Variants in LDHD observed in about 807,000 individuals in gnomAD.
LDHD encodes the protein D-lactate dehydrogenase, mitochondrial.
A neutral mutation model predicts 52.9 loss-of-function variants in LDHD; 58 were observed. The observed-to-expected ratio is 1.10, with a 90% CI of 0.89 to 1.36. The LOEUF (loss-of-function observed/expected upper bound fraction) is 1.36. Among genes scored for constraint, LDHD ranks in the 40% most tolerant of loss-of-function variants. The pLI is 0.00. For missense variants in LDHD, 747 were observed against 668.0 expected, an observed-to-expected ratio of 1.12 and a Z score of -1.30; for synonymous variants, 350 against 288.6, an observed-to-expected ratio of 1.21 and a Z score of -2.16.
chr16:75,114,493 C>T lies in LDHD; in HGVS notation c.629+33G>A, dbSNP rs1171650249. 14 of 1,474,138 alleles carry T rather than the reference C, an allele frequency of 9.5e-6. No homozygotes were observed. In the African/African-American group the frequency reaches 1.3e-4, roughly 13 times the overall value. 91.3% of individuals were successfully genotyped at this position (1,474,138 alleles called of 1,614,324 possible). The stretch of plus-strand genomic sequence containing the variant: ...GGCAGCCCGCCAGCAGTGCCCAGGG[C>T]CAGAGCCCGGGCCCCCCGCAGAGGG... On this transcript the variant is annotated intron_variant, in intron 5 of 10. Transcript: ENST00000450168.
In LDHD at chr16:75,113,527, C is replaced by A; in HGVS notation, c.1086+8G>T. 1 of 1,602,036 alleles carries A rather than the reference C, an allele frequency of 6.2e-7. No individual in the cohort carries two copies. The highest frequency in any genetic ancestry group is 8.5e-7 in the Non-Finnish European group (1 of 1,174,756). On this transcript the variant is annotated splice_region_variant and intron_variant, in intron 8 of 10. Coordinates refer to ENST00000450168, the MANE Select transcript of LDHD (RefSeq NM_194436.3). ...GTGGGCCCCATCTGTACCCCAGCCC[C>A]AGCTCACCTTGCAGCCTGGCCGCGT...
Position 75,114,555 on chromosome 16 carries a change from C to T in LDHD, c.600G>A (p.Leu200=). 2 of 1,530,424 alleles carry T rather than the reference C, an allele frequency of 1.3e-6. No individual in the cohort carries two copies. The highest frequency in any genetic ancestry group is 1.7e-6 in the Non-Finnish European group (2 of 1,143,634). 94.8% of individuals were successfully genotyped at this position (1,530,424 alleles called of 1,614,324 possible). A position where few individuals can be genotyped will look rare whatever the true frequency, so the allele number is the denominator to read the frequency against. The stretch of plus-strand genomic sequence containing the variant: ...AATGCCGGCCTCGGCCCGCCGTGTG[C>T]AGCAGCCGCCCGTCGGGCAGCACCA... ...LEVVLPDGRL[L]HTAGRGRHFR... The change falls in exon 5 of 11, where the codon CTG becomes CTA. Residue 200 remains leucine (L), a synonymous_variant. Coordinates refer to ENST00000450168, the MANE Select transcript of LDHD (RefSeq NM_194436.3).
Position 75,112,932 on chromosome 16 carries a change from G to T in LDHD, c.1087-8C>A, listed in dbSNP as rs750412205. 3.3e-5 allele frequency: 53 copies of T among 1,606,674 alleles called. No homozygotes were observed. Among genetic ancestry groups the T allele is most frequent in the Non-Finnish European group, 4.2e-5 (49 of 1,177,576 alleles). On this transcript the variant is annotated splice_region_variant and splice_polypyrimidine_tract_variant and intron_variant, in intron 8 of 10. Coordinates refer to ENST00000450168, the MANE Select transcript of LDHD (RefSeq NM_194436.3). Reference sequence around the variant, plus strand: ...CACATCCGTGGAGTAGCCCTGGTCAGAGGGAAGCCTATGAGTTACCCCTGC... The same window carrying T: ...CACATCCGTGGAGTAGCCCTGGTCATAGGGAAGCCTATGAGTTACCCCTGC...
chr16:75,116,282 G>A (rs1190438090), intron 1 of LDHD, among the ~76,000 whole-genome samples: 2 of 151,976 alleles, frequency 1.3e-5, no homozygotes, highest in African/African-American at 4.8e-5. Context: ...CTTCGTGGGG[G>A]GCGGGGCGCG....
chr16:75,112,799 T>A, intron 9 of LDHD, 35 bp downstream of exon 9: 1 of 1,603,204 alleles, frequency 6.2e-7, no homozygotes, highest in Non-Finnish European at 8.5e-7. Flanking sequence ...CCCTGACACC[T>A]CCCCACCTCT....
In LDHD at chr16:75,114,583, T is replaced by A; in HGVS notation, c.572A>T (p.Glu191Val). The A allele has an allele frequency of 6.5e-7, 1 of 1,533,450 alleles. No individual in the cohort carries two copies. Among genetic ancestry groups the A allele is most frequent in the Non-Finnish European group, 8.7e-7 (1 of 1,144,922 alleles). The allele number at this position is 1,533,450 out of a possible 1,614,324, so 95.0% of individuals were successfully genotyped here. A position where few individuals can be genotyped will look rare whatever the true frequency, so the allele number is the denominator to read the frequency against. Reference protein sequence around the residue: ...GTMRDNVLNLEVVLPDGRLLH... With the variant: ...GTMRDNVLNLVVVLPDGRLLH... ...CAGCCGCCCGTCGGGCAGCACCACC[T>A]CCAGGTTGAGCACGTTGTCCCGCAT... is the stretch of plus-strand genomic sequence containing the variant. The change falls in exon 5 of 11, where the codon GAG (glutamate) becomes GTG (valine). Residue 191 changes from glutamate to valine, a missense_variant. Transcript: ENST00000450168.
At position 75,114,073 on chromosome 16, in the gene LDHD, G is replaced by T; in HGVS notation, c.722C>A (p.Pro241His). 2 of 1,611,334 alleles carry T rather than the reference G, an allele frequency of 1.2e-6. No homozygotes were observed. Among genetic ancestry groups the T allele is most frequent in the Non-Finnish European group, 1.7e-6 (2 of 1,179,892 alleles). The change falls in exon 6 of 11, where the codon CCT becomes CAT. Residue 241 changes from proline (P) to histidine (H), a missense_variant. Transcript: ENST00000450168. ...GGCGGCCACTGTGGCCTCAGGGGCAGGGTGCAGGCGCAGGGTGGTGGCTGT... is the reference window on the plus strand; with the variant it reads ...GGCGGCCACTGTGGCCTCAGGGGCATGGTGCAGGCGCAGGGTGGTGGCTGT... ...LITATTLRLH[P>H]APEATVAATC...
Position 75,115,568 on chromosome 16 carries a change from C to A in LDHD, c.165G>T (p.Gly55=), listed in dbSNP as rs752792270. 8 of 1,612,990 alleles carry A rather than the reference C, an allele frequency of 5.0e-6. No individual in the cohort carries two copies. Among genetic ancestry groups the A allele is most frequent in the Middle Eastern group, 1.7e-4 (1 of 6,060 alleles). Reference sequence around the variant, plus strand: ...CATACCTGTGCACCGACTCATCGCGCCCGTGCTGCTCTCGGACCACCGCGG... The same window carrying A: ...CATACCTGTGCACCGACTCATCGCGACCGTGCTGCTCTCGGACCACCGCGG... ...STAAVVREQH[G]RDESVHRCEP... The change falls in exon 2 of 11, where the codon GGG becomes GGT. Residue 55 remains glycine, a synonymous_variant. Transcript: ENST00000450168.
At position 75,114,362 on chromosome 16, in the gene LDHD, T is replaced by A. The variant is rs924310207; in HGVS notation, c.629+164A>T. The A allele has an allele frequency of 3.6e-6, 5 of 1,392,112 alleles. No homozygotes were observed. In the African/African-American group the frequency reaches 7.2e-5, roughly 20 times the overall value. 86.2% of individuals were successfully genotyped at this position (1,392,112 alleles called of 1,614,324 possible). On this transcript the variant is annotated intron_variant, in intron 5 of 10. Transcript: ENST00000450168. ...CTCAGGCAGGGAGAGCAAACCCTGG[T>A]CCCATCCACTTTGGCCCAGCTGACA... is the stretch of plus-strand genomic sequence containing the variant.
In LDHD at chr16:75,115,349, G is replaced by C. The variant is rs1016082067; in HGVS notation, c.186-10C>G. The C allele has an allele frequency of 5.0e-6, 8 of 1,613,194 alleles. No individual in the cohort carries two copies. The highest frequency in any genetic ancestry group is 2.2e-5 in the East Asian group (1 of 44,876). ...ATCAGGAGGTTCGCACCTAGAACCA[G>C]ACCCTCAGCGATTTAGCGGGGCGTG... On this transcript the variant is annotated splice_polypyrimidine_tract_variant and intron_variant, in intron 2 of 10. Coordinates refer to ENST00000450168, the MANE Select transcript of LDHD (RefSeq NM_194436.3).
chr16:75,112,507 A>G lies in LDHD; in HGVS notation c.1304T>C (p.Leu435Pro). 1.2e-6 allele frequency: 2 copies of G among 1,613,284 alleles called. No homozygotes were observed. Among genetic ancestry groups the G allele is most frequent in the Non-Finnish European group, 1.7e-6 (2 of 1,179,828 alleles). The part of the protein sequence containing the change: ...AEQLGRRALA[L>P]HGTCTGEHGI... Reference sequence around the variant, plus strand: ...ATGCTCCCCCGTGCACGTTCCGTGGAGAGCCAGTGCCCGCCTGGGGGCAGG... The same window carrying G: ...ATGCTCCCCCGTGCACGTTCCGTGGGGAGCCAGTGCCCGCCTGGGGGCAGG... The change falls in exon 11 of 11, where the codon CTC becomes CCC. Residue 435 changes from leucine to proline, a missense_variant. Leu to Pro is a moderately conservative substitution (Grantham distance 98). Coordinates refer to ENST00000450168, the MANE Select transcript of LDHD (RefSeq NM_194436.3).
In LDHD at chr16:75,111,945, C is replaced by T. The variant is rs147807563; in HGVS notation, c.*411G>A. 22 of 170,528 alleles carry T rather than the reference C, an allele frequency of 1.3e-4. No homozygotes were observed. In the East Asian group the frequency reaches 3.7e-3, roughly 29 times the overall value. 10.6% of individuals were successfully genotyped at this position (170,528 alleles called of 1,614,324 possible). A position where few individuals can be genotyped will look rare whatever the true frequency, so the allele number is the denominator to read the frequency against. On this transcript the variant is annotated 3_prime_UTR_variant, in exon 11 of 11. Coordinates refer to ENST00000450168, the MANE Select transcript of LDHD (RefSeq NM_194436.3). ...CCTATCATCATGTCACGGGAGCTCA[C>T]GTTCCATACCAGGAAAGGAGTGTTC...
At chr16:75,115,086 GC>G (rs143145471) in intron 3 of LDHD, 111 bp downstream of exon 3, 96,157 of 1,538,336 alleles carry the variant, frequency 0.063, 3,681 homozygotes, top group Admixed American at 0.17. Flanking sequence ...GAGGCAGGCA[GC>G]CCACGGGCGG....
rs769691495 is a variant in LDHD at position 75,116,737 on chromosome 16, G to C, written c.-17C>G. 2 of 1,562,152 alleles carry C rather than the reference G, an allele frequency of 1.3e-6. No homozygotes were observed. The highest frequency in any genetic ancestry group is 1.4e-5 in the African/African-American group (1 of 72,448). ...TCGGGCCATAGCCAGGCACTGGCCA[G>C]AGGGTGTGAGCACTGGGTGGCAGGG... On this transcript the variant is annotated 5_prime_UTR_variant, in exon 1 of 11. Transcript: ENST00000450168.
At chr16:75,115,087 C>T (rs1428755933) in intron 3 of LDHD, 111 bp downstream of exon 3, 1 of 1,353,146 alleles carries the variant, frequency 7.4e-7, no homozygotes. Flanking sequence ...AGGCAGGCAG[C>T]CCACGGGCGG....
rs1180323802 is a variant in LDHD at position 75,113,544 on chromosome 16, T to C, written c.1077A>G (p.Pro359=). 6.2e-7 allele frequency: 1 copy of C among 1,607,538 alleles called. No individual in the cohort carries two copies. Among genetic ancestry groups the C allele is most frequent in the Non-Finnish European group, 8.5e-7 (1 of 1,177,310 alleles). The change falls in exon 8 of 11, where the codon CCA becomes CCG. Residue 359 remains proline, a synonymous_variant. Coordinates refer to ENST00000450168, the MANE Select transcript of LDHD (RefSeq NM_194436.3). ...CCCAGCCCCAGCTCACCTTGCAGCC[T>C]GGCCGCGTGGCCAGGGCTGCGTACC... ...NAWYAALATR[P]GCKGYSTDVC...
At chr16:75,114,397 A>T (rs2036487320) in intron 5 of LDHD, 129 bp downstream of exon 5, 3 of 1,341,194 alleles carry the variant, frequency 2.2e-6, no homozygotes, top group South Asian at 2.9e-5. Context: ...AGGGCTTCAG[A>T]GCCTGAGGAA....
At position 75,112,607 on chromosome 16, in the gene LDHD, C is replaced by A. The variant is rs761641296; in HGVS notation, c.1284G>T (p.Leu428=). 1.9e-6 allele frequency: 3 copies of A among 1,614,110 alleles called. No homozygotes were observed. In the East Asian group the frequency reaches 6.7e-5, roughly 36 times the overall value. ...LGRVKAFAEQ[L]GRRALALHGT... Reference sequence around the variant, plus strand: ...CTCCCTGGCTTTGCTCCTACCTGCCCAGCTGTTCTGCAAAAGCCTTGACCC... The same window carrying A: ...CTCCCTGGCTTTGCTCCTACCTGCCAAGCTGTTCTGCAAAAGCCTTGACCC... The change falls in exon 10 of 11, where the codon CTG becomes CTT. Residue 428 remains leucine, a synonymous_variant. Transcript: ENST00000450168.
chr16:75,114,842 G>A lies in LDHD; in HGVS notation c.454C>T (p.Leu152Phe). 1.2e-6 allele frequency: 2 copies of A among 1,613,410 alleles called. No individual in the cohort carries two copies. The highest frequency in any genetic ancestry group is 1.7e-6 in the Non-Finnish European group (2 of 1,179,728). ...CGAGTCCTACCCACGGGAAACCAGA[G>A]GCCGCTGTCCCGCAGGTGGGCGTTG... ...ALNAHLRDSGLWFPVDPGADA... is the reference protein window; with the variant it reads ...ALNAHLRDSGFWFPVDPGADA... The change falls in exon 4 of 11, where the codon CTC becomes TTC. Residue 152 changes from leucine (L) to phenylalanine (F), a missense_variant. Physicochemically the swap from Leu to Phe is conservative, Grantham distance 22 (BLOSUM62 0). Transcript: ENST00000450168.
Sources: gnomAD v4.1 joint callset for allele counts (sites outside exome capture counted in the v4.1 genomes callset) on GRCh38, gnomAD v4.1.1 for gene constraint, MANE v1.5 for transcripts, NCBI Gene and HGNC (gene_info 2026-07-23, HGNC 2026-07-21) for gene names.